Variants in ADGRB1 observed in about 807,000 individuals in gnomAD.
The protein encoded by ADGRB1 is brain-specific angiogenesis inhibitor 1.
In ADGRB1, 36 loss-of-function variants were observed where a neutral mutation model predicts 175.7. The ratio of observed to expected loss-of-function variants is 0.20; its 90% CI spans 0.16 to 0.27. The LOEUF is 0.27. Among genes scored for constraint, ADGRB1 ranks in the 10% least tolerant of loss-of-function variants. The probability of loss-of-function intolerance (pLI) is 1.00; values close to 1 mark genes in which losing one functional copy is unlikely to be tolerated. For synonymous variants in ADGRB1, 1,054 were observed against 979.4 expected (o/e 1.08, Z -1.42); for missense variants, 1,731 against 2,255.3 (o/e 0.77, Z 4.71).
At chr8:142,470,175 C>A (rs1360358178) in intron 2 of ADGRB1, among the ~76,000 whole-genome samples, 1 of 152,254 alleles carries the variant, frequency 6.6e-6, no homozygotes, top group Admixed American at 6.5e-5. Context: ...CCACCGCCCC[C>A]CAGGCTGTCA....
chr8:142,512,625 G>A (rs1843166659), intron 18 of ADGRB1, among the ~76,000 whole-genome samples: 1 of 152,230 alleles, frequency 6.6e-6, no homozygotes. Context: ...CCCTGGACTG[G>A]CTCTGCCTTA....
In ADGRB1 at chr8:142,543,659, T is replaced by A; in HGVS notation, c.4508T>A (p.Leu1503Gln). Residue 1503 changes from leucine (L) to glutamine (Q), a missense_variant, in exon 30 of 31, where the codon CTG (leucine) becomes CAG (glutamine). Around this residue, in one of 8 missense-constraint regions of ADGRB1, gnomAD observed 394 missense variants for 410.2 expected, o/e 0.96. Coordinates refer to ENST00000517894, the MANE Select transcript of ADGRB1 (RefSeq NM_001702.3). This position sits in a 1 kb window ranked among gnomAD's most constrained non-coding sequence, Gnocchi z 4.4. ...QDMFQDLNRK[L>Q]QHAAEKDKEV... ...ATGTTCCAGGACCTGAACCGGAAGC[T>A]GCAGCACGCAGCGGAGAAGGACAAG... is the stretch of plus-strand genomic sequence containing the variant. The A allele has an allele frequency of 6.6e-7, 1 of 1,506,612 alleles. No individual in the cohort carries two copies. Among genetic ancestry groups the A allele is most frequent in the East Asian group, 2.7e-5 (1 of 36,510 alleles). The allele number at this position is 1,506,612 out of a possible 1,614,324, so 93.3% of individuals were successfully genotyped here.
chr8:142,453,211 GC>G (rs1454365592), intron 1 of ADGRB1, among the ~76,000 whole-genome samples: 2 of 152,184 alleles, frequency 1.3e-5, no homozygotes, highest in Admixed American at 1.3e-4. Flanking sequence ...GCACGTGCGT[GC>G]CCGTCCGGGA....
chr8:142,469,281 GTGAA>G (rs1437680418), intron 2 of ADGRB1, among the ~76,000 whole-genome samples: 1 of 150,450 alleles, frequency 6.6e-6, no homozygotes, highest in Non-Finnish European at 1.5e-5. Flanking sequence ...GTGCAGGTGA[GTGAA>G]TGTGTGTGCA....
intron 24 of ADGRB1, among the ~76,000 whole-genome samples, chr8:142,531,916 A>C (rs969066113): frequency 2.6e-5 from 4 of 152,116 alleles, no homozygotes; most frequent in Non-Finnish European, 5.9e-5. Context: ...TGGGCCCTGC[A>C]CAGGTGTTCT....
intron 27 of ADGRB1, among the ~76,000 whole-genome samples, chr8:142,540,673 G>T (rs1215635824): frequency 6.6e-6 from 1 of 152,192 alleles, no homozygotes; most frequent in Non-Finnish European, 1.5e-5. Context: ...GGAGCAAAGT[G>T]TGAGGTGTGT....
chr8:142,481,444 A>G, intron 10 of ADGRB1, 73 bp from the exon 11 acceptor site: 1 of 1,589,184 alleles, frequency 6.3e-7, no homozygotes, highest in Non-Finnish European at 8.6e-7. Context: ...GGTCCTAGGC[A>G]TGGGAGATCC....
intron 24 of ADGRB1, among the ~76,000 whole-genome samples, chr8:142,532,214 G>A (rs924354061): frequency 6.6e-6 from 1 of 152,192 alleles, no homozygotes; most frequent in East Asian, 1.9e-4. Context: ...GGGCTGTGGG[G>A]CCTCCTGCGG....
intron 16 of ADGRB1, among the ~76,000 whole-genome samples, chr8:142,490,363 A>T (rs996363600): frequency 6.6e-6 from 1 of 152,174 alleles, no homozygotes; most frequent in Non-Finnish European, 1.5e-5. Flanking sequence ...TGTCCCAGGA[A>T]TGCTAGCAGG....
chr8:142,472,119 C>T (rs1840705736), intron 2 of ADGRB1, among the ~76,000 whole-genome samples: 1 of 152,198 alleles, frequency 6.6e-6, no homozygotes, highest in African/African-American at 2.4e-5. Context: ...CAGCTCTCCT[C>T]CAGAGAACAG....
intron 2 of ADGRB1, among the ~76,000 whole-genome samples, chr8:142,473,755 C>T (rs1840786840): frequency 6.6e-6 from 1 of 152,204 alleles, no homozygotes. Context: ...GCCTGGAAGA[C>T]TCCTCCCACC....
In ADGRB1 at chr8:142,541,941, T is replaced by C; in HGVS notation, c.3707T>C (p.Val1236Ala). Residue 1236 changes from valine (V) to alanine (A), a missense_variant and splice_region_variant, in exon 28 of 31, where the codon GTG becomes GCG. Around this residue, in one of 8 missense-constraint regions of ADGRB1, gnomAD observed 301 missense variants for 488.4 expected, o/e 0.62. Coordinates refer to ENST00000517894, the MANE Select transcript of ADGRB1 (RefSeq NM_001702.3). ...EKDVDLACRSVLNKDIAACRT... is the reference protein window; with the variant it reads ...EKDVDLACRSALNKDIAACRT... ...GCTGTCTCCCCCGCGGCCCCTGCAG[T>C]GCTGAACAAGGACATCGCGGCCTGC... The C allele has an allele frequency of 1.9e-6, 3 of 1,546,612 alleles. No homozygotes were observed. Among genetic ancestry groups the C allele is most frequent in the Non-Finnish European group, 2.6e-6 (3 of 1,148,888 alleles).
chr8:142,508,887 G>A (rs1317424729), intron 17 of ADGRB1, among the ~76,000 whole-genome samples: 1 of 152,224 alleles, frequency 6.6e-6, no homozygotes, highest in South Asian at 2.1e-4. Context: ...AGAGGGGAGG[G>A]GGCTTCCCAG....
At chr8:142,527,649 C>T (rs529564852) in intron 24 of ADGRB1, among the ~76,000 whole-genome samples, 5 of 152,218 alleles carry the variant, frequency 3.3e-5, no homozygotes, top group Admixed American at 6.5e-5. Flanking sequence ...TACCTGTCCC[C>T]GGAACACCCT....
chr8:142,483,736 C>A (rs1587313347), intron 11 of ADGRB1, among the ~76,000 whole-genome samples: 1 of 151,028 alleles, frequency 6.6e-6, no homozygotes, highest in Non-Finnish European at 1.5e-5. Flanking sequence ...CATGCTGAAC[C>A]CTGACCCTGG....
At chr8:142,486,531 C>T (rs113089360) in intron 13 of ADGRB1, among the ~76,000 whole-genome samples, 10 of 152,310 alleles carry the variant, frequency 6.6e-5, no homozygotes, top group African/African-American at 2.2e-4. Flanking sequence ...AGACACAGTC[C>T]GAGGATATTT....
At position 142,464,081 on chromosome 8, in the gene ADGRB1, G is replaced by GC; in HGVS notation, c.-114dup. 3 of 231,454 alleles carry GC rather than the reference G, an allele frequency of 1.3e-5. No individual in the cohort carries two copies. The highest frequency in any genetic ancestry group is 1.7e-3 in the Middle Eastern group (1 of 602). The allele number at this position is 231,454 out of a possible 1,614,324, so 14.3% of individuals were successfully genotyped here. A position where few individuals can be genotyped will look rare whatever the true frequency, so the allele number is the denominator to read the frequency against. On this transcript the variant is annotated 5_prime_UTR_variant, in exon 2 of 31. Transcript: ENST00000517894. Reference sequence around the variant, plus strand: ...CGGGGCCCTCTCCCATCCCACCCTTGCCCCGCCTCCCTGCCCCCACCGGGC... The same window carrying GC: ...CGGGGCCCTCTCCCATCCCACCCTTGCCCCCGCCTCCCTGCCCCCACCGGGC...
In ADGRB1 at chr8:142,542,721, G is replaced by A. The variant is rs1845355223; in HGVS notation, c.4413+74G>A. 1.5e-6 allele frequency: 2 copies of A among 1,358,830 alleles called. No homozygotes were observed. Among genetic ancestry groups the A allele is most frequent in the South Asian group, 2.8e-5 (2 of 71,504 alleles). 84.2% of individuals were successfully genotyped at this position (1,358,830 alleles called of 1,614,324 possible). Reference sequence around the variant, plus strand: ...GCAGCAGCTGGGTCACCCCTGCTGGGTGGGACCCCCACGCCGTCAGCGGGG... The same window carrying A: ...GCAGCAGCTGGGTCACCCCTGCTGGATGGGACCCCCACGCCGTCAGCGGGG... On this transcript the variant is annotated intron_variant, in intron 28 of 30. Transcript: ENST00000517894. This position sits in a 1 kb window ranked among gnomAD's most constrained non-coding sequence, Gnocchi z 6.3.
intron 25 of ADGRB1, among the ~76,000 whole-genome samples, chr8:142,534,154 G>A (rs907905870): frequency 6.6e-6 from 1 of 152,238 alleles, no homozygotes; most frequent in Admixed American, 6.5e-5. Flanking sequence ...GAAGCAGGAT[G>A]AGAGGTGCAG....
Sources: allele counts gnomAD v4.1 joint callset (sites outside exome capture counted in the v4.1 genomes callset), GRCh38; gene constraint gnomAD v4.1.1; regional missense constraint gnomAD v4.1.1; non-coding constraint Gnocchi (gnomAD v3.1); transcripts MANE v1.5; gene names NCBI Gene and HGNC (gene_info 2026-07-23, HGNC 2026-07-21).